DPP10: variants seen among roughly 807,000 people sequenced by gnomAD.
The protein encoded by DPP10 is inactive dipeptidyl peptidase 10.
Under a neutral mutation model 120.9 loss-of-function variants are expected in DPP10, and 33 were observed. The observed-to-expected ratio is 0.27, with a 90% CI of 0.21 to 0.37. The LOEUF (loss-of-function observed/expected upper bound fraction) is 0.37. DPP10 is among the 10% of genes least tolerant of loss of function. The probability of loss-of-function intolerance (pLI) is 1.00; values close to 1 mark genes in which losing one functional copy is unlikely to be tolerated. For missense variants in DPP10, 816 were observed against 942.8 expected (o/e 0.87, Z 1.76); for synonymous variants, 337 against 326.1 (o/e 1.03, Z -0.36).
At chr2:115,278,737 G>A (rs1172575189) in intron 1 of DPP10, among the ~76,000 whole-genome samples, 1 of 152,020 alleles carries the variant, frequency 6.6e-6, no homozygotes, top group Non-Finnish European at 1.5e-5. Context: ...CCCAAGGGAG[G>A]ACATTAAGCT....
intron 1 of DPP10, among the ~76,000 whole-genome samples, chr2:114,987,032 G>C (rs1338450541): frequency 6.6e-6 from 1 of 151,904 alleles, no homozygotes; most frequent in Admixed American, 6.6e-5. Context: ...CTCCCACCTC[G>C]GCCTCCCAAA....
intron 3 of DPP10, among the ~76,000 whole-genome samples, chr2:115,408,987 A>C (rs907275815): frequency 1.3e-5 from 2 of 152,102 alleles, no homozygotes; most frequent in African/African-American, 4.8e-5. Context: ...AGAAAGTAGA[A>C]AAGGAGAAAA....
At chr2:114,665,252 G>T (rs751973886) in intron 1 of DPP10, among the ~76,000 whole-genome samples, 8 of 152,192 alleles carry the variant, frequency 5.3e-5, no homozygotes, top group Non-Finnish European at 8.8e-5. Context: ...AGTTAAAGAA[G>T]TGAGATAGTA....
intron 1 of DPP10, chr2:115,161,579 C>G (rs2052361581): frequency 6.2e-6 from 1 of 161,314 alleles, no homozygotes; most frequent in Non-Finnish European, 1.3e-5. Context: ...CGGGGGCGGG[C>G]GGTGGGGGGC....
At chr2:114,911,408 A>G (rs1694359702) in intron 1 of DPP10, among the ~76,000 whole-genome samples, 1 of 152,244 alleles carries the variant, frequency 6.6e-6, no homozygotes, top group African/African-American at 2.4e-5. Context: ...AACACTAAGC[A>G]TAAAAAATTT....
rs538499019 is a variant in DPP10, at chr2:115,675,712, G to A, written c.442-13975G>A. Among the ~76,000 whole-genome samples, 64 of 152,214 alleles carry A rather than the reference G, an allele frequency of 4.2e-4. 3 individuals carry two copies. The South Asian group carries it at 0.013, about 31-fold the overall frequency. On this transcript the variant is annotated intron_variant, in intron 5 of 25. Coordinates refer to ENST00000410059, the MANE Select transcript of DPP10 (RefSeq NM_020868.6). ...CTCATAGGCCCTAAGTTCACCAGAG[G>A]GAGTTGCCTGGAGTTCATAGGATTT...
chr2:115,406,632 TAGAG>T (rs938266352), intron 3 of DPP10, among the ~76,000 whole-genome samples: 15 of 152,176 alleles, frequency 9.9e-5, no homozygotes, highest in South Asian at 4.1e-4. Context: ...ATAAGAGAGT[TAGAG>T]AGGCTATATT....
At chr2:115,593,578 TA>T (rs71394152) in intron 5 of DPP10, among the ~76,000 whole-genome samples, 5 of 151,360 alleles carry the variant, frequency 3.3e-5, no homozygotes, top group Non-Finnish European at 7.4e-5. Flanking sequence ...AAATGGGAAA[TA>T]AAAAAATGTT....
At chr2:115,113,891 T>C (rs987990767) in intron 1 of DPP10, among the ~76,000 whole-genome samples, 3 of 152,180 alleles carry the variant, frequency 2.0e-5, no homozygotes, top group Non-Finnish European at 4.4e-5. Context: ...TAATTGATCA[T>C]ACACATTGAG....
At chr2:114,539,050 C>T (rs563847828) in intron 1 of DPP10, among the ~76,000 whole-genome samples, 2 of 152,118 alleles carry the variant, frequency 1.3e-5, no homozygotes, top group Admixed American at 1.3e-4. Flanking sequence ...CCACTTTGAT[C>T]TTCTTGCTTC....
intron 1 of DPP10, among the ~76,000 whole-genome samples, chr2:114,996,043 A>C (rs1485522324): frequency 2.6e-5 from 4 of 152,176 alleles, no homozygotes; most frequent in Non-Finnish European, 5.9e-5. Flanking sequence ...CCCCCTCATG[A>C]AGGACTTTTC....
At chr2:115,637,478 A>C (rs1234562307) in intron 5 of DPP10, among the ~76,000 whole-genome samples, 1 of 152,200 alleles carries the variant, frequency 6.6e-6, no homozygotes, top group Non-Finnish European at 1.5e-5. Flanking sequence ...TTGAGACTCC[A>C]AGAATATGAA....
rs369041808 is a variant in DPP10, at chr2:114,568,031, AGAGAG to A, written c.60+125194_60+125198del. 4.2e-3 allele frequency among the ~76,000 whole-genome samples: 615 copies of A among 147,278 alleles called. 6 individuals carry two copies. Among genetic ancestry groups the A allele is most frequent in the Middle Eastern group, 0.021 (6 of 290 alleles). ...CCCTGGAACTTAAAATTAAAAAAAAAGAGAGAGAGAGATACTGTAAAAAAAAAAAA... is the reference window on the plus strand; with the variant it reads ...CCCTGGAACTTAAAATTAAAAAAAAAAGAGAGATACTGTAAAAAAAAAAAA... On this transcript the variant is annotated intron_variant, in intron 1 of 25. Transcript: ENST00000410059.
chr2:115,544,432 A>C (rs967428932), intron 5 of DPP10, among the ~76,000 whole-genome samples: 5 of 152,098 alleles, frequency 3.3e-5, no homozygotes, highest in African/African-American at 9.7e-5. Flanking sequence ...AAGTATTCAC[A>C]TCTTACAAAA....
chr2:115,474,851 C>G (rs2074972162), intron 3 of DPP10, among the ~76,000 whole-genome samples: 1 of 151,956 alleles, frequency 6.6e-6, no homozygotes, highest in Non-Finnish European at 1.5e-5. Flanking sequence ...CAAGGCATTT[C>G]AGAGACATTT....
chr2:114,791,880 A>T (rs1683277998), intron 1 of DPP10, among the ~76,000 whole-genome samples: 2 of 152,220 alleles, frequency 1.3e-5, no homozygotes, highest in Non-Finnish European at 2.9e-5. Flanking sequence ...AATTTCTCTG[A>T]TAAAATGCTA....
chr2:115,502,410 A>C (rs1339311750), intron 4 of DPP10, among the ~76,000 whole-genome samples: 1 of 152,156 alleles, frequency 6.6e-6, no homozygotes, highest in African/African-American at 2.4e-5. Context: ...TTTAGCCTCA[A>C]AAATGCTCTT....
At chr2:115,697,438 A>T (rs11896859) in intron 7 of DPP10, among the ~76,000 whole-genome samples, 26,342 of 151,936 alleles carry the variant, frequency 0.17, 2,457 homozygotes, top group African/African-American at 0.23. Context: ...TGCTATACTA[A>T]CGTAAAAATA....
intron 1 of DPP10, among the ~76,000 whole-genome samples, chr2:114,893,200 A>G (rs1558851782): frequency 6.6e-6 from 1 of 152,192 alleles, no homozygotes; most frequent in African/African-American, 2.4e-5. Flanking sequence ...AGAAACATCA[A>G]TCTTACAGTA....
Sources: allele counts gnomAD v4.1 joint callset (sites outside exome capture counted in the v4.1 genomes callset), GRCh38; gene constraint gnomAD v4.1.1; transcripts MANE v1.5; gene names NCBI Gene and HGNC (gene_info 2026-07-23, HGNC 2026-07-21).